Variants in RPS6KA2 observed in about 807,000 individuals in gnomAD.
RPS6KA2 encodes ribosomal protein S6 kinase A2.
RPS6KA2 carries 42 observed loss-of-function variants against 91.8 expected under a neutral mutation model. The ratio of observed to expected loss-of-function variants is 0.46; its 90% CI spans 0.36 to 0.59. The LOEUF is 0.59. RPS6KA2 is among the 20% of genes least tolerant of loss of function. RPS6KA2 has a pLI of 0.00. For missense variants in RPS6KA2, 798 were observed against 978.5 expected, an observed-to-expected ratio of 0.82 and a Z score of 2.46; for synonymous variants, 414 against 393.6, an observed-to-expected ratio of 1.05 and a Z score of -0.61.
At chr6:166,708,927 G>A (rs1222820330) in intron 2 of RPS6KA2, among the ~76,000 whole-genome samples, 1 of 152,226 alleles carries the variant, frequency 6.6e-6, no homozygotes, top group African/African-American at 2.4e-5. Flanking sequence ...TGTGGAGTAA[G>A]TGAAGCCAGT....
At position 166,612,265 on chromosome 6, in the gene RPS6KA2, T is replaced by C. The variant is rs1455318784; in HGVS notation, c.99+14656A>G. On this transcript the variant is annotated intron_variant, in intron 1 of 20. Coordinates refer to ENST00000265678, the MANE Select transcript of RPS6KA2 (RefSeq NM_021135.6). The surrounding 1 kb of genome is among the most constrained non-coding windows in gnomAD (Gnocchi z 4.3). The stretch of plus-strand genomic sequence containing the variant: ...GGGAGTCAAGCCCCTTGACGAGGTG[T>C]GTGATGTGGGCAGGTGTGATGGAAG... Among the ~76,000 whole-genome samples the C allele has an allele frequency of 6.6e-6, 1 of 151,812 alleles. No homozygotes were observed. Among genetic ancestry groups the C allele is most frequent in the Non-Finnish European group, 1.5e-5 (1 of 67,962 alleles).
intron 14 of RPS6KA2, among the ~76,000 whole-genome samples, chr6:166,439,374 C>T (rs925057754): frequency 6.6e-6 from 1 of 152,192 alleles, no homozygotes; most frequent in African/African-American, 2.4e-5. Context: ...TTTCAATGTG[C>T]TGGGATTACA....
At chr6:166,444,169 C>A (rs3799673) in intron 14 of RPS6KA2, among the ~76,000 whole-genome samples, 18,525 of 152,206 alleles carry the variant, frequency 0.12, 2,459 homozygotes, top group African/African-American at 0.33. Context: ...GTGAATACAG[C>A]ATCTTTGATG....
intron 2 of RPS6KA2, among the ~76,000 whole-genome samples, chr6:166,721,374 G>A (rs111362643): frequency 9.2e-5 from 14 of 152,338 alleles, no homozygotes; most frequent in African/African-American, 3.1e-4. Context: ...GGACCCGGGA[G>A]CACAGGCCTA....
chr6:166,849,210 C>T lies in RPS6KA2; in HGVS notation c.123+8990G>A, dbSNP rs1414571393. On this transcript the variant is annotated intron_variant, in intron 2 of 21. Transcript: ENST00000503859. The surrounding 1 kb of genome is among the most constrained non-coding windows in gnomAD (Gnocchi z 4.9). ...CACCCCTGGTCTTGCTGGTTGGTTT[C>T]TTCTCATCAGTCAGGTCGTGGCCTA... Among the ~76,000 whole-genome samples, 1 of 152,166 alleles carries T rather than the reference C, an allele frequency of 6.6e-6. No individual in the cohort carries two copies. Among genetic ancestry groups the T allele is most frequent in the African/African-American group, 2.4e-5 (1 of 41,456 alleles).
intron 2 of RPS6KA2, among the ~76,000 whole-genome samples, chr6:166,783,307 G>C (rs1469691318): frequency 6.6e-6 from 1 of 151,822 alleles, no homozygotes; most frequent in Non-Finnish European, 1.5e-5. Flanking sequence ...AGTGGGCCTC[G>C]TCGAATCAGT....
chr6:166,762,257 C>T (rs1314793057), intron 2 of RPS6KA2, among the ~76,000 whole-genome samples: 1 of 152,226 alleles, frequency 6.6e-6, no homozygotes, highest in East Asian at 1.9e-4. Flanking sequence ...CATTCTCCCT[C>T]AGACGCAAAA....
intron 14 of RPS6KA2, among the ~76,000 whole-genome samples, chr6:166,446,685 C>G (rs919355120): frequency 2.6e-5 from 4 of 152,172 alleles, no homozygotes; most frequent in African/African-American, 9.7e-5. Context: ...CACACCATCG[C>G]CTCGTCACTG....
At chr6:166,485,435 C>T (rs1781374006) in intron 10 of RPS6KA2, among the ~76,000 whole-genome samples, 1 of 151,704 alleles carries the variant, frequency 6.6e-6, no homozygotes, top group Non-Finnish European at 1.5e-5. Flanking sequence ...CCCCTGCCAG[C>T]GAGCCCCTGA....
At chr6:166,761,156 C>T (rs1427601626) in intron 2 of RPS6KA2, among the ~76,000 whole-genome samples, 5 of 152,122 alleles carry the variant, frequency 3.3e-5, no homozygotes, top group African/African-American at 1.2e-4. Context: ...CTCCGCCTCC[C>T]GGGTTCAAGC....
rs760682842 is a variant in RPS6KA2, at chr6:166,430,581, C to T, written c.1453G>A (p.Val485Ile). The T allele has an allele frequency of 7.4e-6, 12 of 1,613,764 alleles. No individual in the cohort carries two copies. Among genetic ancestry groups the T allele is most frequent in the East Asian group, 2.2e-5 (1 of 44,836 alleles). ...VYDDGKFVYL[V>I]MELMRGGELL... ...TCCCCACCACGCATCAGCTCCATTA[C>T]CAGGTACACAAACTTGCCATCATCA... The change falls in exon 16 of 21, where the codon GTA becomes ATA. Residue 485 changes from valine to isoleucine, a missense_variant. Val to Ile is a conservative substitution (Grantham distance 29, BLOSUM62 3). Transcript: ENST00000265678.
intron 2 of RPS6KA2, chr6:166,702,282 C>T (rs913584391): frequency 1.9e-6 from 3 of 1,613,410 alleles, no homozygotes; most frequent in Non-Finnish European, 2.5e-6. Context: ...CCTGGAGACC[C>T]CTGCCTTGAG....
rs144751976 is a variant in RPS6KA2 at position 166,621,283 on chromosome 6, G to A, written c.99+5638C>T. On this transcript the variant is annotated intron_variant, in intron 1 of 20. Coordinates refer to ENST00000265678, the MANE Select transcript of RPS6KA2 (RefSeq NM_021135.6). ...TAATAAATCCTAGGTGTATGGTTAC[G>A]CACATTTGTCCTCCACGCCCTGATA... Among the ~76,000 whole-genome samples the A allele has an allele frequency of 3.3e-5, 5 of 152,308 alleles. No homozygotes were observed. The East Asian group carries it at 5.8e-4, about 18-fold the overall frequency.
chr6:166,445,910 G>A lies in RPS6KA2; in HGVS notation c.1332+2814C>T, dbSNP rs987978434. 3.3e-5 allele frequency among the ~76,000 whole-genome samples: 5 copies of A among 152,212 alleles called. No homozygotes were observed. The highest frequency in any genetic ancestry group is 7.3e-5 in the Non-Finnish European group (5 of 68,044). The stretch of plus-strand genomic sequence containing the variant: ...CAACTCACACATCAGATAATCAGCT[G>A]CCACATGCTTAGTTCTGGGTCATGT... On this transcript the variant is annotated intron_variant, in intron 14 of 20. Transcript: ENST00000265678. This position sits in a 1 kb window ranked among gnomAD's most constrained non-coding sequence, Gnocchi z 4.5.
At chr6:166,486,847 C>T (rs376638454) in intron 10 of RPS6KA2, among the ~76,000 whole-genome samples, 275 of 125,390 alleles carry the variant, frequency 2.2e-3, no homozygotes, top group African/African-American at 8.0e-3. Context: ...TGTCAGGAGA[C>T]GTTTGATCAT....
chr6:166,661,320 A>C (rs1013529921), intron 2 of RPS6KA2, among the ~76,000 whole-genome samples: 63 of 152,192 alleles, frequency 4.1e-4, no homozygotes, highest in Non-Finnish European at 7.9e-4. Flanking sequence ...GGCTGGTCTC[A>C]AACTCCTAAA....
intron 2 of RPS6KA2, among the ~76,000 whole-genome samples, chr6:166,680,722 A>G (rs1235943927): frequency 6.6e-6 from 1 of 152,222 alleles, no homozygotes; most frequent in Non-Finnish European, 1.5e-5. Context: ...AATTCTGGAC[A>G]TATCTGAACA....
At chr6:166,420,931 C>T (rs148959383) in intron 17 of RPS6KA2, among the ~76,000 whole-genome samples, 22 of 152,314 alleles carry the variant, frequency 1.4e-4, no homozygotes, top group Middle Eastern at 3.4e-3. Context: ...CTGCAGATGA[C>T]TGGATTTAGC....
chr6:166,741,030 G>A (rs1347823173), intron 2 of RPS6KA2, among the ~76,000 whole-genome samples: 4 of 152,244 alleles, frequency 2.6e-5, no homozygotes, highest in East Asian at 3.8e-4. Flanking sequence ...ATGCAGCAAC[G>A]TTCAACAGCC....
Sources: allele counts gnomAD v4.1 joint callset (sites outside exome capture counted in the v4.1 genomes callset), GRCh38; gene constraint gnomAD v4.1.1; non-coding constraint Gnocchi (gnomAD v3.1); transcripts MANE v1.5; gene names NCBI Gene and HGNC (gene_info 2026-07-23, HGNC 2026-07-21).